Variants in ADIPOR2 observed in about 807,000 individuals in gnomAD.
The protein encoded by ADIPOR2 is adiponectin receptor protein 2.
In ADIPOR2, 18 loss-of-function variants were observed where a neutral mutation model predicts 40.9. That is an observed-to-expected ratio of 0.44 (90% CI 0.30 to 0.65). The LOEUF (loss-of-function observed/expected upper bound fraction) is 0.65. Ranked by LOEUF, ADIPOR2 falls within the 30% of genes least tolerant of loss-of-function variation. The pLI is 0.09. For synonymous variants in ADIPOR2, 165 were observed against 166.4 expected, an observed-to-expected ratio of 0.99 and a Z score of 0.06; for missense variants, 283 against 479.2, an observed-to-expected ratio of 0.59 and a Z score of 3.82.
chr12:1,692,498 A>C (rs2094629144), intron 1 of ADIPOR2, among the ~76,000 whole-genome samples: 1 of 152,208 alleles, frequency 6.6e-6, no homozygotes, highest in South Asian at 2.1e-4. Flanking sequence ...ATTAAATGTG[A>C]AAGGCATATT....
At chr12:1,710,284 C>T (rs182243454) in intron 1 of ADIPOR2, among the ~76,000 whole-genome samples, 55 of 152,244 alleles carry the variant, frequency 3.6e-4, no homozygotes, top group African/African-American at 1.2e-3. Context: ...TTTTTTCTTT[C>T]GCTCTTCACA....
chr12:1,766,008 T>C (rs749890138), intron 2 of ADIPOR2, among the ~76,000 whole-genome samples: 6 of 152,210 alleles, frequency 3.9e-5, no homozygotes, highest in Non-Finnish European at 8.8e-5. Context: ...CTTCTACAAA[T>C]GTTTTTAGTT....
chr12:1,737,365 G>C (rs749373915), intron 1 of ADIPOR2, among the ~76,000 whole-genome samples: 2 of 151,572 alleles, frequency 1.3e-5, no homozygotes, highest in East Asian at 1.9e-4. Flanking sequence ...TTACAGTATT[G>C]TCATGTGGAA....
At position 1,723,662 on chromosome 12, in the gene ADIPOR2, A is replaced by AAAC. The variant is rs561292771; in HGVS notation, c.-86-30584_-86-30582dup. On this transcript the variant is annotated intron_variant, in intron 1 of 7. Transcript: ENST00000357103. The stretch of plus-strand genomic sequence containing the variant: ...CTCAAAAACAAAACAAAACAAAACA[A>AAAC]AACAACAACAACAAAAGTGGAAGTA... Among the ~76,000 whole-genome samples the AAAC allele has an allele frequency of 2.2e-3, 325 of 150,376 alleles. 9 individuals are homozygous for AAAC. The South Asian group carries it at 0.054, about 25-fold the overall frequency.
intron 2 of ADIPOR2, chr12:1,757,638 G>A: frequency 7.7e-7 from 1 of 1,298,928 alleles, no homozygotes; most frequent in Non-Finnish European, 1.1e-6. Flanking sequence ...TGCCCCCAGA[G>A]ATTTTTCTCA....
chr12:1,721,377 G>A (rs1328503337), intron 1 of ADIPOR2, among the ~76,000 whole-genome samples: 1 of 151,792 alleles, frequency 6.6e-6, no homozygotes, highest in Non-Finnish European at 1.5e-5. Flanking sequence ...CACCACACCT[G>A]GCTAATTCTT....
At chr12:1,752,294 C>T (rs925759806) in intron 1 of ADIPOR2, among the ~76,000 whole-genome samples, 3 of 127,056 alleles carry the variant, frequency 2.4e-5, no homozygotes, top group Admixed American at 1.9e-4. Flanking sequence ...AGTGCAGTGG[C>T]GTGATCTTGG....
chr12:1,758,297 G>T (rs1406542407), intron 2 of ADIPOR2, among the ~76,000 whole-genome samples: 1 of 152,084 alleles, frequency 6.6e-6, no homozygotes, highest in Admixed American at 6.5e-5. Context: ...TTGAGCTAAT[G>T]CAAAAGTTAG....
At chr12:1,769,649 T>C (rs1273544396) in intron 2 of ADIPOR2, among the ~76,000 whole-genome samples, 1 of 151,466 alleles carries the variant, frequency 6.6e-6, no homozygotes, top group African/African-American at 2.4e-5. Context: ...CAAGCGATTC[T>C]CCTGTCTCAA....
intron 1 of ADIPOR2, among the ~76,000 whole-genome samples, chr12:1,722,688 C>T (rs1452838002): frequency 6.6e-6 from 1 of 152,210 alleles, no homozygotes; most frequent in South Asian, 2.1e-4. Context: ...AGATTCGAAT[C>T]TTACTTTTAT....
At chr12:1,767,004 T>C (rs1592623400) in intron 2 of ADIPOR2, among the ~76,000 whole-genome samples, 1 of 151,984 alleles carries the variant, frequency 6.6e-6, no homozygotes, top group Non-Finnish European at 1.5e-5. Flanking sequence ...GTGTGGTGGC[T>C]CACGCCCGTA....
intron 1 of ADIPOR2, chr12:1,696,398 CTTT>C (rs61474948): frequency 3.5e-5 from 5 of 141,578 alleles, no homozygotes; most frequent in Non-Finnish European, 4.6e-5. Flanking sequence ...TTTTTTCCTT[CTTT>C]TTTTTTTTTT....
At chr12:1,757,502 C>G (rs1862159564) in intron 2 of ADIPOR2, 3 of 763,032 alleles carry the variant, frequency 3.9e-6, no homozygotes, top group Non-Finnish European at 7.2e-6. Flanking sequence ...CATTGTCAAA[C>G]TTGATGAAAT....
intron 1 of ADIPOR2, among the ~76,000 whole-genome samples, chr12:1,692,602 C>A (rs1330829362): frequency 6.6e-6 from 1 of 151,968 alleles, no homozygotes; most frequent in Non-Finnish European, 1.5e-5. Flanking sequence ...TCACTTGACA[C>A]TAGGAATGGG....
intron 1 of ADIPOR2, among the ~76,000 whole-genome samples, chr12:1,744,222 A>G (rs1176925557): frequency 6.6e-6 from 1 of 151,272 alleles, no homozygotes; most frequent in Non-Finnish European, 1.5e-5. Context: ...TTCTCCTGTC[A>G]GCCTCCCGAG....
rs1862783348 is a variant in ADIPOR2 at position 1,784,141 on chromosome 12, T to C, written c.1032+68T>C. ...GAGTTATTGGCATCCTGCAGAGTGA[T>C]GCAATAGAAAAAGTTTTAGACACAA... On this transcript the variant is annotated intron_variant, in intron 7 of 7. Coordinates refer to ENST00000357103, the MANE Select transcript of ADIPOR2 (RefSeq NM_024551.3). The C allele has an allele frequency of 3.5e-6, 5 of 1,437,310 alleles. No homozygotes were observed. The East Asian group carries it at 7.3e-5, about 21-fold the overall frequency. The allele number at this position is 1,437,310 out of a possible 1,614,324, so 89.0% of individuals were successfully genotyped here. A position where few individuals can be genotyped will look rare whatever the true frequency, so the allele number is the denominator to read the frequency against.
intron 1 of ADIPOR2, among the ~76,000 whole-genome samples, chr12:1,703,370 C>T (rs2094654515): frequency 1.3e-5 from 2 of 152,222 alleles, no homozygotes; most frequent in South Asian, 4.1e-4. Context: ...ATAGTTGCCA[C>T]TGGAGTGGTA....
At chr12:1,773,699 T>C (rs1421979376) in intron 3 of ADIPOR2, among the ~76,000 whole-genome samples, 5 of 152,156 alleles carry the variant, frequency 3.3e-5, no homozygotes, top group Non-Finnish European at 5.9e-5. Context: ...GTAAATTGAT[T>C]TATTAAACAT....
chr12:1,703,172 TAAGAG>T (rs990479289), intron 1 of ADIPOR2, among the ~76,000 whole-genome samples: 2 of 152,188 alleles, frequency 1.3e-5, no homozygotes, highest in East Asian at 1.9e-4. Flanking sequence ...TTGTAGACAT[TAAGAG>T]AATAAGCTAG....
Sources: gnomAD v4.1 joint callset for allele counts (sites outside exome capture counted in the v4.1 genomes callset) on GRCh38, gnomAD v4.1.1 for gene constraint, MANE v1.5 for transcripts, NCBI Gene and HGNC (gene_info 2026-07-23, HGNC 2026-07-21) for gene names.